Variants in CENPP observed in about 807,000 individuals in gnomAD.
CENPP encodes centromere protein P.
In CENPP, 24 loss-of-function variants were observed where a neutral mutation model predicts 35.6. The observed-to-expected ratio is 0.67, with a 90% CI of 0.49 to 0.95. The LOEUF (loss-of-function observed/expected upper bound fraction) is 0.95. Ranked by LOEUF, CENPP falls within the 40% of genes least tolerant of loss-of-function variation. CENPP has a pLI of 0.00. For missense variants in CENPP, 332 were observed against 345.3 expected (o/e 0.96, Z 0.31); for synonymous variants, 120 against 125.5 (o/e 0.96, Z 0.29).
At chr9:92,392,931 A>G (rs1476535029) in intron 5 of CENPP, among the ~76,000 whole-genome samples, 1 of 152,248 alleles carries the variant, frequency 6.6e-6, no homozygotes, top group Non-Finnish European at 1.5e-5. Context: ...TGATTCACCA[A>G]CAAATGAATG....
intron 5 of CENPP, chr9:92,456,922 T>G: frequency 9.9e-7 from 1 of 1,013,334 alleles, no homozygotes; most frequent in Non-Finnish European, 1.2e-6. Context: ...GCACAAATTT[T>G]GCTAAGTCAA....
chr9:92,437,382 A>G lies in CENPP; in HGVS notation c.564+57523A>G, dbSNP rs142323646. ...TGTAATATTTTTCTTCTAGTGTATGATTAGTCTTTTTCTTTTGTCTTTTTT... is the reference window on the plus strand; with the variant it reads ...TGTAATATTTTTCTTCTAGTGTATGGTTAGTCTTTTTCTTTTGTCTTTTTT... On this transcript the variant is annotated intron_variant, in intron 5 of 7. Coordinates refer to ENST00000375587, the MANE Select transcript of CENPP (RefSeq NM_001012267.3). Among the ~76,000 whole-genome samples, 27 of 149,570 alleles carry G rather than the reference A, an allele frequency of 1.8e-4. No homozygotes were observed. In the East Asian group the frequency reaches 4.1e-3, roughly 23 times the overall value.
intron 5 of CENPP, among the ~76,000 whole-genome samples, chr9:92,387,835 CTCA>C (rs1429635236): frequency 6.6e-6 from 1 of 152,040 alleles, no homozygotes; most frequent in African/African-American, 2.4e-5. Context: ...ATGATCTGAG[CTCA>C]CTGCAACCTC....
chr9:92,443,780 C>A (rs528719747), intron 5 of CENPP, among the ~76,000 whole-genome samples: 7 of 152,212 alleles, frequency 4.6e-5, no homozygotes, highest in Non-Finnish European at 1.0e-4. Context: ...CTGCCTCAGC[C>A]TCCCAAGTAG....
intron 5 of CENPP, among the ~76,000 whole-genome samples, chr9:92,607,286 G>A (rs1851108217): frequency 1.3e-5 from 2 of 152,084 alleles, no homozygotes; most frequent in Non-Finnish European, 2.9e-5. Flanking sequence ...TTTATGCCAC[G>A]GTGTAACCTC....
chr9:92,598,653 C>T (rs1850836815), intron 5 of CENPP, among the ~76,000 whole-genome samples: 1 of 151,812 alleles, frequency 6.6e-6, no homozygotes, highest in African/African-American at 2.4e-5. Context: ...TTCCTGTCTC[C>T]TGAGACAGAA....
chr9:92,502,532 A>G, intron 5 of CENPP: 1 of 1,613,082 alleles, frequency 6.2e-7, no homozygotes, highest in Non-Finnish European at 8.5e-7. Flanking sequence ...ATCCAGGCTA[A>G]AGGAGCAATC....
chr9:92,360,771 C>A (rs1307540169), intron 4 of CENPP, among the ~76,000 whole-genome samples: 1 of 151,944 alleles, frequency 6.6e-6, no homozygotes, highest in Admixed American at 6.6e-5. Context: ...ATGGCGTAAT[C>A]TCAGCTCACT....
intron 5 of CENPP, chr9:92,456,761 A>C (rs1217584889): frequency 5.6e-6 from 1 of 179,378 alleles, no homozygotes; most frequent in African/African-American, 2.4e-5. Flanking sequence ...AGACATGATA[A>C]GGTAATTTCA....
intron 5 of CENPP, chr9:92,515,259 A>G: frequency 7.1e-7 from 1 of 1,404,916 alleles, no homozygotes; most frequent in Non-Finnish European, 9.3e-7. Context: ...TTAATAAAAG[A>G]AAAAACCATA....
intron 5 of CENPP, among the ~76,000 whole-genome samples, chr9:92,594,213 A>C (rs1850725129): frequency 1.3e-5 from 2 of 152,314 alleles, no homozygotes; most frequent in South Asian, 4.2e-4. Context: ...GAGCCTGTGC[A>C]GGGAGGCTCC....
intron 4 of CENPP, among the ~76,000 whole-genome samples, chr9:92,366,111 C>T (rs1017008451): frequency 1.5e-5 from 2 of 137,872 alleles, no homozygotes; most frequent in African/African-American, 5.5e-5. Flanking sequence ...ACCTGGGAGG[C>T]GGAGCTGGCA....
At chr9:92,515,095 G>A in intron 5 of CENPP, 1 of 1,614,034 alleles carries the variant, frequency 6.2e-7, no homozygotes, top group Non-Finnish European at 8.5e-7. Context: ...CACCTGAGGA[G>A]GTGGCAGTTG....
At chr9:92,353,526 A>AT (rs1347871709) in intron 4 of CENPP, among the ~76,000 whole-genome samples, 1 of 152,160 alleles carries the variant, frequency 6.6e-6, no homozygotes, top group Non-Finnish European at 1.5e-5. Context: ...CCTTACCTCC[A>AT]TTGTGAAGTA....
At position 92,551,916 on chromosome 9, in the gene CENPP, G is replaced by GGT. The variant is rs146012735; in HGVS notation, c.565-59389_565-59388dup. 7.6e-3 allele frequency among the ~76,000 whole-genome samples: 656 copies of GGT among 86,688 alleles called. 65 individuals carry two copies. Among genetic ancestry groups the GGT allele is most frequent in the African/African-American group, 0.02 (479 of 24,124 alleles). 56.9% of individuals were successfully genotyped at this position (86,688 alleles called of 152,430 possible). On this transcript the variant is annotated intron_variant, in intron 5 of 7. Coordinates refer to ENST00000375587, the MANE Select transcript of CENPP (RefSeq NM_001012267.3). ...AGTTAACAGCATTTGTTATATATAT[G>GGT]GTGTGTGTGTATATATATATATATA...
intron 5 of CENPP, chr9:92,509,897 AC>A (rs1376551869): frequency 1.9e-6 from 3 of 1,600,508 alleles, no homozygotes; most frequent in Admixed American, 3.6e-5. Flanking sequence ...AATATTAAAT[AC>A]CTGATAAACT....
intron 1 of CENPP, among the ~76,000 whole-genome samples, chr9:92,330,699 T>TG (rs1564260760): frequency 3.1e-4 from 46 of 147,098 alleles, no homozygotes; most frequent in Middle Eastern, 3.5e-3. Flanking sequence ...TTTTTTTTTT[T>TG]TTTTGTTGAG....
At chr9:92,607,807 G>C (rs1403194136) in intron 5 of CENPP, among the ~76,000 whole-genome samples, 1 of 152,130 alleles carries the variant, frequency 6.6e-6, no homozygotes, top group African/African-American at 2.4e-5. Context: ...ATTCCCTTTG[G>C]ACTAGCATCC....
At chr9:92,513,138 T>G (rs763757002) in intron 5 of CENPP, among the ~76,000 whole-genome samples, 1 of 152,196 alleles carries the variant, frequency 6.6e-6, no homozygotes, top group Non-Finnish European at 1.5e-5. Context: ...CGAATGCTCC[T>G]GCTGCTCCCA....
Sources: gnomAD v4.1 joint callset for allele counts (sites outside exome capture counted in the v4.1 genomes callset) on GRCh38, gnomAD v4.1.1 for gene constraint, MANE v1.5 for transcripts, NCBI Gene and HGNC (gene_info 2026-07-23, HGNC 2026-07-21) for gene names.